ERN1: variants seen among roughly 807,000 people sequenced by gnomAD.
The protein encoded by ERN1 is endoplasmic reticulum to nucleus signaling 1.
A neutral mutation model predicts 113.1 loss-of-function variants in ERN1; 39 were observed. The observed-to-expected ratio is 0.34, with a 90% confidence interval of 0.27 to 0.45. ERN1 has a LOEUF of 0.45. Ranked by LOEUF, ERN1 falls within the 20% of genes least tolerant of loss-of-function variation. The pLI is 1.00. For synonymous variants in ERN1, 507 were observed against 515.9 expected (o/e 0.98, Z 0.23); for missense variants, 976 against 1,274.8 (o/e 0.77, Z 3.57).
intron 1 of ERN1, among the ~76,000 whole-genome samples, chr17:64,119,376 G>GTTGTTTTTTTTTTTGTTTTTTT (rs777806993): frequency 1.3e-5 from 1 of 77,896 alleles, no homozygotes; most frequent in African/African-American, 5.6e-5. Flanking sequence ...TTTTTTCTAG[G>GTTGTTTTTTTTTTTGTTTTTTT]TTTTTTTTTT....
chr17:64,094,942 T>C (rs1914189712), intron 2 of ERN1, among the ~76,000 whole-genome samples: 1 of 152,216 alleles, frequency 6.6e-6, no homozygotes, highest in Admixed American at 6.5e-5. Context: ...TCTGGATACC[T>C]TTATCATTTA....
chr17:64,072,079 A>G lies in ERN1; in HGVS notation c.380T>C (p.Val127Ala), dbSNP rs750993187. ...YMGKKQDIWY[V>A]IDLLTGEKQQ... is the part of the protein sequence containing the mutation. Reference sequence around the variant, plus strand: ...CTTCTCTCCGGTCAGGAGGTCAATAACATACCAGATGTCCTGCTTTTTACC... The same window carrying G: ...CTTCTCTCCGGTCAGGAGGTCAATAGCATACCAGATGTCCTGCTTTTTACC... Residue 127 changes from valine (V) to alanine (A), a missense_variant, in exon 6 of 22, where the codon GTT becomes GCT. Val to Ala is a moderately conservative substitution (Grantham distance 64). This residue lies in a region of ERN1 where 459 missense variants were observed against 581.2 expected (regional missense o/e 0.79). Transcript: ENST00000433197. 1 of 1,612,964 alleles carries G rather than the reference A, an allele frequency of 6.2e-7. No homozygotes were observed. The highest frequency in any genetic ancestry group is 8.5e-7 in the Non-Finnish European group (1 of 1,179,488).
At chr17:64,121,811 C>T (rs975758434) in intron 1 of ERN1, among the ~76,000 whole-genome samples, 1 of 152,178 alleles carries the variant, frequency 6.6e-6, no homozygotes, top group Non-Finnish European at 1.5e-5. Context: ...TCCCTACTCT[C>T]TCCATGATTG....
In ERN1 at chr17:64,065,194, C is replaced by A; in HGVS notation, c.921+15G>T. On this transcript the variant is annotated intron_variant, in intron 9 of 21. Coordinates refer to ENST00000433197, the MANE Select transcript of ERN1 (RefSeq NM_001433.5). ...AAGTGGTTAGGCAGCTGCGAGCCCT[C>A]CGTAGTGGACTTACCACGACAGCAA... 1 of 1,591,400 alleles carries A rather than the reference C, an allele frequency of 6.3e-7. No individual in the cohort carries two copies. The highest frequency in any genetic ancestry group is 8.6e-7 in the Non-Finnish European group (1 of 1,166,948).
At position 64,044,014 on chromosome 17, in the gene ERN1, G is replaced by T; in HGVS notation, c.2908C>A (p.Pro970Thr). ...YYFHEPPEPQPPVTPDAL is the reference protein window; with the variant it reads ...YYFHEPPEPQTPVTPDAL ...CAGAGGGCGTCTGGAGTCACTGGGGGCTGGGGCTCTGGGGGCTCGTGGAAG... is the reference window on the plus strand; with the variant it reads ...CAGAGGGCGTCTGGAGTCACTGGGGTCTGGGGCTCTGGGGGCTCGTGGAAG... The change falls in exon 22 of 22, where the codon CCC (proline) becomes ACC (threonine). Residue 970 changes from proline (P) to threonine (T), a missense_variant. Physicochemically the swap from Pro to Thr is conservative, Grantham distance 38 (BLOSUM62 -1). Coordinates refer to ENST00000433197, the MANE Select transcript of ERN1 (RefSeq NM_001433.5). The surrounding 1 kb of genome is among the most constrained non-coding windows in gnomAD (Gnocchi z 4.1). The T allele has an allele frequency of 6.2e-7, 1 of 1,612,394 alleles. No individual in the cohort carries two copies. Among genetic ancestry groups the T allele is most frequent in the Non-Finnish European group, 8.5e-7 (1 of 1,179,116 alleles).
At chr17:64,120,257 T>C (rs558121378) in intron 1 of ERN1, among the ~76,000 whole-genome samples, 1 of 152,298 alleles carries the variant, frequency 6.6e-6, no homozygotes, top group African/African-American at 2.4e-5. Flanking sequence ...CTCTCACTCC[T>C]AGTGGCCCCT....
rs1039846630 is a variant in ERN1 at position 64,114,251 on chromosome 17, C to G, written c.54+15725G>C. Among the ~76,000 whole-genome samples the G allele has an allele frequency of 1.3e-4, 20 of 152,064 alleles. 1 individual carries two copies. Among genetic ancestry groups the G allele is most frequent in the Non-Finnish European group, 2.4e-4 (16 of 68,020 alleles). On this transcript the variant is annotated intron_variant, in intron 1 of 21. Transcript: ENST00000433197. Reference sequence around the variant, plus strand: ...GATCTGGTTTCCTGCTTTCATGGAGCTTACAGTCCAATAGGAGACCCCAGT... The same window carrying G: ...GATCTGGTTTCCTGCTTTCATGGAGGTTACAGTCCAATAGGAGACCCCAGT...
chr17:64,073,833 G>C (rs979585609), intron 5 of ERN1, among the ~76,000 whole-genome samples: 1 of 151,830 alleles, frequency 6.6e-6, no homozygotes, highest in South Asian at 2.1e-4. Flanking sequence ...CTGTAGAGAC[G>C]GGGTCTCACT....
intron 2 of ERN1, among the ~76,000 whole-genome samples, chr17:64,093,611 G>A (rs945609365): frequency 6.6e-6 from 1 of 152,168 alleles, no homozygotes; most frequent in Admixed American, 6.5e-5. Context: ...TCACATGGTG[G>A]AGAGAGAATG....
chr17:64,093,432 G>A (rs972242826), intron 2 of ERN1, among the ~76,000 whole-genome samples: 1 of 152,200 alleles, frequency 6.6e-6, no homozygotes, highest in African/African-American at 2.4e-5. Flanking sequence ...TTGTAAAGTG[G>A]AGGCCATGTG....
At chr17:64,070,143 G>A (rs1229783882) in intron 6 of ERN1, among the ~76,000 whole-genome samples, 3 of 152,160 alleles carry the variant, frequency 2.0e-5, no homozygotes, top group African/African-American at 7.2e-5. Flanking sequence ...TCAAGAGGGA[G>A]CCCGCTGCCA....
intron 2 of ERN1, among the ~76,000 whole-genome samples, chr17:64,086,733 A>G (rs747553655): frequency 8.6e-6 from 1 of 116,824 alleles, no homozygotes; most frequent in Non-Finnish European, 1.6e-5. Flanking sequence ...TGCAACCTCC[A>G]CCTCCTGAGT....
At position 64,075,261 on chromosome 17, in the gene ERN1, A is replaced by AG. The variant is rs2143397715; in HGVS notation, c.283-15_283-14insC. On this transcript the variant is annotated splice_polypyrimidine_tract_variant and intron_variant, in intron 4 of 21. Coordinates refer to ENST00000433197, the MANE Select transcript of ERN1 (RefSeq NM_001433.5). ...AAAAGGAAGTTTCTTTAAAAAAAAA[A>AG]AAAAAGAAAAAAAAAAGTTAACCAA... The AG allele has an allele frequency of 6.8e-7, 1 of 1,481,266 alleles. No homozygotes were observed. Among genetic ancestry groups the AG allele is most frequent in the Non-Finnish European group, 8.9e-7 (1 of 1,127,352 alleles). The allele number at this position is 1,481,266 out of a possible 1,614,324, so 91.8% of individuals were successfully genotyped here. A position where few individuals can be genotyped will look rare whatever the true frequency, so the allele number is the denominator to read the frequency against.
At position 64,054,569 on chromosome 17, in the gene ERN1, G is replaced by A; in HGVS notation, c.1764-130C>T. On this transcript the variant is annotated intron_variant, in intron 14 of 21. Coordinates refer to ENST00000433197, the MANE Select transcript of ERN1 (RefSeq NM_001433.5). The surrounding 1 kb of genome is among the most constrained non-coding windows in gnomAD (Gnocchi z 4.9). The stretch of plus-strand genomic sequence containing the variant: ...GAGAGCCCCGCCTGACTGCCTGGTG[G>A]CCCCGGAATCATCGCTTGTCTCAGT... 1 of 1,059,034 alleles carries A rather than the reference G, an allele frequency of 9.4e-7. No homozygotes were observed. The highest frequency in any genetic ancestry group is 1.4e-6 in the Non-Finnish European group (1 of 734,972). The allele number at this position is 1,059,034 out of a possible 1,614,324, so 65.6% of individuals were successfully genotyped here. A position where few individuals can be genotyped will look rare whatever the true frequency, so the allele number is the denominator to read the frequency against.
At chr17:64,089,817 G>T (rs533846967) in intron 2 of ERN1, among the ~76,000 whole-genome samples, 1 of 152,220 alleles carries the variant, frequency 6.6e-6, no homozygotes, top group Non-Finnish European at 1.5e-5. Context: ...TTTTAACCCT[G>T]GCTGACAGGT....
intron 1 of ERN1, among the ~76,000 whole-genome samples, chr17:64,117,379 G>T (rs1914836367): frequency 1.3e-5 from 2 of 151,780 alleles, no homozygotes; most frequent in Admixed American, 6.6e-5. Context: ...GGAGGCGGAG[G>T]TTGCAGTAAG....
intron 2 of ERN1, 137 bp from the exon 3 acceptor site, chr17:64,080,945 G>T: frequency 1.4e-6 from 1 of 725,632 alleles, no homozygotes; most frequent in South Asian, 1.7e-5. Flanking sequence ...TAGTGCACGT[G>T]AAGGTTATAT....
chr17:64,057,737 A>C, intron 12 of ERN1, 65 bp downstream of exon 12: 9 of 1,432,134 alleles, frequency 6.3e-6, no homozygotes, highest in Non-Finnish European at 8.8e-6. Flanking sequence ...TCTCACTGAC[A>C]TGAGGCGACA....
chr17:64,070,505 A>G (rs144025143), intron 6 of ERN1, among the ~76,000 whole-genome samples: 82 of 152,360 alleles, frequency 5.4e-4, no homozygotes, highest in Non-Finnish European at 1.0e-3. Flanking sequence ...AGGTAAACAC[A>G]TAAATCCTAA....
Sources: allele counts gnomAD v4.1 joint callset (sites outside exome capture counted in the v4.1 genomes callset), GRCh38; gene constraint gnomAD v4.1.1; regional missense constraint gnomAD v4.1.1; non-coding constraint Gnocchi (gnomAD v3.1); transcripts MANE v1.5; gene names NCBI Gene and HGNC (gene_info 2026-07-23, HGNC 2026-07-21).